The following RARS2 variants were observed in gnomAD, a reference collection of about 807,000 sequenced individuals.
RARS2 encodes the protein probable arginine--tRNA ligase, mitochondrial.
Under a neutral mutation model 88.5 loss-of-function variants are expected in RARS2, and 67 were observed. That is an observed-to-expected ratio of 0.76 (90% CI 0.62 to 0.93). The LOEUF (loss-of-function observed/expected upper bound fraction) is 0.93, where lower values mean the gene tolerates loss of function less well. RARS2 is among the 40% of genes least tolerant of loss of function. RARS2 has a pLI of 0.00. For synonymous variants in RARS2, 239 were observed against 230.3 expected (o/e 1.04, Z -0.34); for missense variants, 664 against 684.2 (o/e 0.97, Z 0.33).
At chr6:87,579,142 C>T (rs1243226282) in intron 1 of RARS2, among the ~76,000 whole-genome samples, 1 of 151,976 alleles carries the variant, frequency 6.6e-6, no homozygotes, top group Non-Finnish European at 1.5e-5. Flanking sequence ...AAAAATCTAT[C>T]AGAGGAGAAG....
chr6:87,549,777 G>A (rs1783783770), intron 5 of RARS2, among the ~76,000 whole-genome samples: 1 of 152,116 alleles, frequency 6.6e-6, no homozygotes, highest in African/African-American at 2.4e-5. Flanking sequence ...ACTCATATGT[G>A]CTTTTATCTT....
At chr6:87,558,971 G>A (rs1786923917) in intron 4 of RARS2, among the ~76,000 whole-genome samples, 1 of 152,200 alleles carries the variant, frequency 6.6e-6, no homozygotes, top group Non-Finnish European at 1.5e-5. Context: ...TTTCCAGTGG[G>A]ACAAGATGTG....
At chr6:87,538,744 A>G (rs980820382) in intron 8 of RARS2, among the ~76,000 whole-genome samples, 1 of 152,144 alleles carries the variant, frequency 6.6e-6, no homozygotes, top group African/African-American at 2.4e-5. Flanking sequence ...TTAAAAAATT[A>G]AAAAATAGGT....
intron 2 of RARS2, among the ~76,000 whole-genome samples, chr6:87,566,081 G>A (rs140682655): frequency 6.6e-6 from 1 of 152,156 alleles, no homozygotes; most frequent in African/African-American, 2.4e-5. Flanking sequence ...GGAGGCCAAG[G>A]CAGGAGGATT....
At chr6:87,519,087 C>T (rs1772818677) in intron 14 of RARS2, 196 bp from the exon 15 acceptor site, 1 of 586,774 alleles carries the variant, frequency 1.7e-6, no homozygotes, top group Admixed American at 3.0e-5. Context: ...GAAAGAAATC[C>T]AAATTTATTT....
intron 7 of RARS2, among the ~76,000 whole-genome samples, chr6:87,544,713 A>C (rs1257857756): frequency 6.6e-6 from 1 of 152,234 alleles, no homozygotes; most frequent in Non-Finnish European, 1.5e-5. Flanking sequence ...TACATGAATT[A>C]GGAATGGTTC....
At chr6:87,572,843 T>C (rs1286678649) in intron 1 of RARS2, among the ~76,000 whole-genome samples, 1 of 152,118 alleles carries the variant, frequency 6.6e-6, no homozygotes. Context: ...AAGCTCAAGG[T>C]ACTTAACGCT....
intron 4 of RARS2, among the ~76,000 whole-genome samples, chr6:87,561,261 G>A (rs963258267): frequency 2.0e-5 from 3 of 152,118 alleles, no homozygotes; most frequent in African/African-American, 7.2e-5. Context: ...TTCCTCCTAT[G>A]GGTGGGGGCA....
intron 8 of RARS2, among the ~76,000 whole-genome samples, chr6:87,536,211 A>G (rs914665766): frequency 1.3e-5 from 2 of 152,246 alleles, no homozygotes; most frequent in Non-Finnish European, 2.9e-5. Context: ...AATAAAGTCT[A>G]TTCAAATAAT....
At chr6:87,573,588 G>A (rs936789996) in intron 1 of RARS2, among the ~76,000 whole-genome samples, 2 of 152,150 alleles carry the variant, frequency 1.3e-5, no homozygotes, top group Non-Finnish European at 2.9e-5. Context: ...ACGGATGGTG[G>A]TGATGGTTGC....
chr6:87,567,421 A>G (rs892453787), intron 2 of RARS2, among the ~76,000 whole-genome samples: 1 of 152,228 alleles, frequency 6.6e-6, no homozygotes, highest in East Asian at 1.9e-4. Context: ...TTAGTGTGAA[A>G]TCCACAGACT....
At chr6:87,579,924 G>T (rs1280286354) in intron 1 of RARS2, among the ~76,000 whole-genome samples, 2 of 151,750 alleles carry the variant, frequency 1.3e-5, no homozygotes, top group African/African-American at 4.8e-5. Context: ...TGTATTTTTA[G>T]TAGAGACGGG....
At chr6:87,537,650 C>T (rs1005399902) in intron 8 of RARS2, among the ~76,000 whole-genome samples, 1 of 152,014 alleles carries the variant, frequency 6.6e-6, no homozygotes, top group African/African-American at 2.4e-5. Context: ...AGACATGGTC[C>T]TTCCTCTCAA....
At chr6:87,568,339 A>C (rs1421340095) in intron 2 of RARS2, among the ~76,000 whole-genome samples, 2 of 152,144 alleles carry the variant, frequency 1.3e-5, no homozygotes, top group South Asian at 4.1e-4. Flanking sequence ...CTCTACAACA[A>C]ATACAAAAAT....
intron 1 of RARS2, among the ~76,000 whole-genome samples, chr6:87,571,313 A>ATTT (rs1769642177): frequency 6.6e-6 from 1 of 152,146 alleles, no homozygotes; most frequent in African/African-American, 2.4e-5. Context: ...TTCTGCAACG[A>ATTT]TTGTAAGTTT....
Position 87,564,188 on chromosome 6 carries a change from T to A in RARS2, c.155A>T (p.Lys52Ile), listed in dbSNP as rs73496064. 2,015 of 1,613,864 alleles carry A rather than the reference T, an allele frequency of 1.2e-3. 21 individuals are homozygous for A. The African/African-American group carries it at 0.022, about 18-fold the overall frequency. ...ATCTGGTCTTGAATGGTCATTGTCTTTTTCCAATAAAGAATCCACAGAAAG... is the reference window on the plus strand; with the variant it reads ...ATCTGGTCTTGAATGGTCATTGTCTATTTCCAATAAAGAATCCACAGAAAG... ...FQLSVDSLLE[K>I]DNDHSRPDIQ... is the part of the protein sequence containing the mutation. Residue 52 changes from lysine to isoleucine, a missense_variant, in exon 3 of 20, where the codon AAA becomes ATA. Coordinates refer to ENST00000369536, the MANE Select transcript of RARS2 (RefSeq NM_020320.5).
intron 4 of RARS2, among the ~76,000 whole-genome samples, chr6:87,561,487 G>A (rs1787848253): frequency 6.6e-6 from 1 of 152,260 alleles, no homozygotes; most frequent in Admixed American, 6.5e-5. Flanking sequence ...ACTTGAATCT[G>A]TGCTCCTCAG....
chr6:87,571,578 G>A (rs991980291), intron 1 of RARS2, among the ~76,000 whole-genome samples: 3 of 152,110 alleles, frequency 2.0e-5, no homozygotes, highest in African/African-American at 7.2e-5. Flanking sequence ...ATACATGGCT[G>A]TAGAATTGGG....
Position 87,589,789 on chromosome 6 carries a change from G to A in RARS2, c.36+133C>T, listed in dbSNP as rs1417615915. On this transcript the variant is annotated intron_variant, in intron 1 of 19. Transcript: ENST00000369536. ...AGCTCCACCAGCTCCAGAGAAGGGG[G>A]AGGAGGTGGTAGAAACTAACAGGAT... 5 of 1,596,652 alleles carry A rather than the reference G, an allele frequency of 3.1e-6. No individual in the cohort carries two copies. The African/African-American group carries it at 6.7e-5, about 21-fold the overall frequency.
Sources: allele counts gnomAD v4.1 joint callset (sites outside exome capture counted in the v4.1 genomes callset), GRCh38; gene constraint gnomAD v4.1.1; transcripts MANE v1.5; gene names NCBI Gene and HGNC (gene_info 2026-07-23, HGNC 2026-07-21).